Variants in MX2 observed in about 807,000 individuals in gnomAD.
MX2 encodes the protein MX dynamin like GTPase 2.
In MX2, 51 loss-of-function variants were observed where a neutral mutation model predicts 74.0. That is an observed-to-expected ratio of 0.69 (90% CI 0.55 to 0.87). The LOEUF is 0.87. MX2 is among the 40% of genes least tolerant of loss of function. The pLI, the probability that MX2 is intolerant of heterozygous loss-of-function variation, is 0.00. For synonymous variants in MX2, 369 were observed against 339.3 expected (o/e 1.09, Z -0.96); for missense variants, 832 against 908.7 (o/e 0.92, Z 1.09).
At chr21:41,374,141 CG>C (rs2089365751) in intron 1 of MX2, 1 of 152,418 alleles carries the variant, frequency 6.6e-6, no homozygotes, top group Non-Finnish European at 1.5e-5. Flanking sequence ...AGTAATAGTA[CG>C]GAACCCTCCC....
At chr21:41,404,873 C>CAAAAAAAAAAAAAAAAAAGAAAA (rs2089864005) in intron 12 of MX2, 1 of 69,080 alleles carries the variant, frequency 1.4e-5, no homozygotes, top group East Asian at 3.4e-4. Flanking sequence ...CACATATACT[C>CAAAAAAAAAAAAAAAAAAGAAAA]AAAAAAAAAA....
intron 1 of MX2, among the ~76,000 whole-genome samples, chr21:41,369,198 A>G (rs928413190): frequency 2.6e-5 from 4 of 152,192 alleles, no homozygotes; most frequent in Admixed American, 6.5e-5. Flanking sequence ...AGGGGGGTGC[A>G]GGAGGCCTGT....
At chr21:41,403,014 T>C (rs2089834098) in intron 11 of MX2, 2 of 437,474 alleles carry the variant, frequency 4.6e-6, no homozygotes, top group South Asian at 2.3e-5. Flanking sequence ...ATGTAAGGAA[T>C]AGTCAGAGGC....
At chr21:41,393,544 C>T (rs73905349) in intron 6 of MX2, among the ~76,000 whole-genome samples, 5,055 of 152,218 alleles carry the variant, frequency 0.033, 168 homozygotes, top group East Asian at 0.18. Context: ...TCTCGGGTCG[C>T]TTCCGTCACT....
intron 5 of MX2, chr21:41,389,940 C>T (rs936857703): frequency 6.6e-5 from 10 of 152,230 alleles, no homozygotes; most frequent in African/African-American, 1.2e-4. Context: ...TTTGCCTACA[C>T]AGTCTAATAA....
intron 5 of MX2, among the ~76,000 whole-genome samples, chr21:41,386,545 C>T (rs2089580246): frequency 6.6e-6 from 1 of 152,184 alleles, no homozygotes; most frequent in Admixed American, 6.5e-5. Context: ...GAAACATCTC[C>T]TTCTCCATCA....
At position 41,408,112 on chromosome 21, in the gene MX2, C is replaced by G; in HGVS notation, c.2027C>G (p.Ser676Cys). The G allele has an allele frequency of 6.2e-7, 1 of 1,614,216 alleles. No individual in the cohort carries two copies. The highest frequency in any genetic ancestry group is 8.5e-7 in the Non-Finnish European group (1 of 1,180,044). Residue 676 changes from serine to cysteine, a missense_variant, in exon 14 of 14, where the codon TCC becomes TGC. Physicochemically the swap from Ser to Cys is moderately radical, Grantham distance 112. Coordinates refer to ENST00000330714, the MANE Select transcript of MX2 (RefSeq NM_002463.2). Reference sequence around the variant, plus strand: ...ATACTACAGGAAAAAAATCGCTATTCCTGGCTGCTTCAAGAGCAGAGTGAG... The same window carrying G: ...ATACTACAGGAAAAAAATCGCTATTGCTGGCTGCTTCAAGAGCAGAGTGAG... ...MQILQEKNRY[S>C]WLLQEQSETA...
At chr21:41,381,549 G>A (rs940539755) in intron 4 of MX2, among the ~76,000 whole-genome samples, 1 of 152,092 alleles carries the variant, frequency 6.6e-6, no homozygotes, top group Non-Finnish European at 1.5e-5. Flanking sequence ...GCCGGGCGCA[G>A]TGGCAGGCAC....
At chr21:41,398,876 G>C (rs1342157854) in intron 8 of MX2, 21 bp from the exon 9 acceptor site, 1 of 1,607,710 alleles carries the variant, frequency 6.2e-7, no homozygotes. Flanking sequence ...CAGTTTGATT[G>C]TTTGCAATTG....
chr21:41,395,883 A>T (rs931489644), intron 7 of MX2, 98 bp downstream of exon 7: 4 of 1,219,202 alleles, frequency 3.3e-6, no homozygotes, highest in Non-Finnish European at 4.7e-6. Context: ...TGCACAAATT[A>T]CACAAGGTAG....
chr21:41,379,323 C>T (rs1183588924), intron 3 of MX2, among the ~76,000 whole-genome samples: 2 of 152,198 alleles, frequency 1.3e-5, no homozygotes, highest in Non-Finnish European at 2.9e-5. Flanking sequence ...GGACAAAGGT[C>T]GCGGGTTCTC....
At position 41,368,634 on chromosome 21, in the gene MX2, T is replaced by C. The variant is rs146170473; in HGVS notation, c.-72+6579T>C. On this transcript the variant is annotated intron_variant, in intron 1 of 13. Transcript: ENST00000330714. The surrounding 1 kb of genome is among the most constrained non-coding windows in gnomAD (Gnocchi z 4.6). ...TACGCTTAGCAAGACCTGCCCTTCA[T>C]GAAAATGAGGGTGAGGGTGAGGGTG... 1.0e-3 allele frequency among the ~76,000 whole-genome samples: 154 copies of C among 152,276 alleles called. No homozygotes were observed. Among genetic ancestry groups the C allele is most frequent in the African/African-American group, 3.5e-3 (147 of 41,556 alleles).
At chr21:41,376,809 G>T in intron 1 of MX2, 27 bp from the exon 2 acceptor site, 1 of 1,545,158 alleles carries the variant, frequency 6.5e-7, no homozygotes, top group Non-Finnish European at 8.7e-7. Context: ...TGACCTGTGG[G>T]CCGCTCTCCC....
intron 5 of MX2, among the ~76,000 whole-genome samples, chr21:41,383,668 G>A (rs1334793543): frequency 2.0e-5 from 3 of 152,218 alleles, no homozygotes; most frequent in Non-Finnish European, 2.9e-5. Context: ...AAATTAAGGG[G>A]TGGCAGCCCT....
chr21:41,403,698 T>C, intron 12 of MX2: 1 of 502,792 alleles, frequency 2.0e-6, no homozygotes. Flanking sequence ...CTCCCAAATT[T>C]GTATGTTTGA....
Position 41,397,553 on chromosome 21 carries a change from G to A in MX2, c.1071-60G>A, listed in dbSNP as rs183275800. The A allele has an allele frequency of 2.4e-4, 366 of 1,501,470 alleles. 3 individuals are homozygous for A. The highest frequency in any genetic ancestry group is 1.9e-3 in the South Asian group (168 of 87,392). 93.0% of individuals were successfully genotyped at this position (1,501,470 alleles called of 1,614,324 possible). A position where few individuals can be genotyped will look rare whatever the true frequency, so the allele number is the denominator to read the frequency against. ...GGCTCACCTACCACGCACAAAGTCCGGTACTAGCAAGATGGTACACAAGTC... is the reference window on the plus strand; with the variant it reads ...GGCTCACCTACCACGCACAAAGTCCAGTACTAGCAAGATGGTACACAAGTC... On this transcript the variant is annotated intron_variant, in intron 7 of 13. Transcript: ENST00000330714.
chr21:41,401,897 T>C, intron 10 of MX2, 73 bp from the exon 11 acceptor site: 1 of 1,526,026 alleles, frequency 6.6e-7, no homozygotes, highest in South Asian at 1.3e-5. Context: ...CAAGACTTTA[T>C]AAAACTGTTG....
chr21:41,388,974 G>A lies in MX2; in HGVS notation c.733-1591G>A, dbSNP rs551362795. Among the ~76,000 whole-genome samples the A allele has an allele frequency of 6.6e-6, 1 of 152,150 alleles. No individual in the cohort carries two copies. The highest frequency in any genetic ancestry group is 6.5e-5 in the Admixed American group (1 of 15,278). ...TGCCTAGGATGGCCACCATGGCAGA[G>A]TCATCCTTCTGAATTGTCAACAGTG... On this transcript the variant is annotated intron_variant, in intron 5 of 13. Coordinates refer to ENST00000330714, the MANE Select transcript of MX2 (RefSeq NM_002463.2). This position sits in a 1 kb window ranked among gnomAD's most constrained non-coding sequence, Gnocchi z 4.0.
chr21:41,381,131 A>G (rs1280660125), intron 4 of MX2, among the ~76,000 whole-genome samples: 1 of 152,140 alleles, frequency 6.6e-6, no homozygotes, highest in African/African-American at 2.4e-5. Context: ...CTTCACTCCA[A>G]TTTCCGTGTT....
Sources: gnomAD v4.1 joint callset for allele counts (sites outside exome capture counted in the v4.1 genomes callset) on GRCh38, gnomAD v4.1.1 for gene constraint, Gnocchi (gnomAD v3.1) non-coding constraint, MANE v1.5 for transcripts, NCBI Gene and HGNC (gene_info 2026-07-23, HGNC 2026-07-21) for gene names.